Variants in IP6K1 observed in about 807,000 individuals in gnomAD.
IP6K1 encodes the protein inositol hexakisphosphate kinase 1.
Under a neutral mutation model 38.3 loss-of-function variants are expected in IP6K1, and 13 were observed. The observed-to-expected ratio is 0.34, with a 90% CI of 0.22 to 0.54. IP6K1 has a LOEUF of 0.54. Ranked by LOEUF, IP6K1 falls within the 20% of genes least tolerant of loss-of-function variation. The pLI, the probability that IP6K1 is intolerant of heterozygous loss-of-function variation, is 0.92. For synonymous variants in IP6K1, 212 were observed against 229.9 expected (o/e 0.92, Z 0.70); for missense variants, 397 against 599.8 (o/e 0.66, Z 3.53).
At chr3:49,734,638 G>A (rs1344305334) in intron 3 of IP6K1, among the ~76,000 whole-genome samples, 1 of 152,062 alleles carries the variant, frequency 6.6e-6, no homozygotes, top group East Asian at 1.9e-4. Flanking sequence ...GAAAGTAGAG[G>A]AGCCCACCAG....
intron 2 of IP6K1, among the ~76,000 whole-genome samples, chr3:49,740,790 T>C (rs1328792393): frequency 1.3e-5 from 2 of 152,230 alleles, no homozygotes; most frequent in Non-Finnish European, 2.9e-5. Context: ...TTTTAGCTAT[T>C]ATGAATGATG....
intron 1 of IP6K1, among the ~76,000 whole-genome samples, chr3:49,784,372 C>A (rs2081092860): frequency 1.3e-5 from 2 of 152,000 alleles, no homozygotes; most frequent in Admixed American, 1.3e-4. Flanking sequence ...CGTGACCAGG[C>A]ACAGTGGCTC....
chr3:49,767,743 T>G (rs1450455298), intron 1 of IP6K1, among the ~76,000 whole-genome samples: 1 of 152,092 alleles, frequency 6.6e-6, no homozygotes, highest in Non-Finnish European at 1.5e-5. Context: ...CCATCTCTAT[T>G]CTAAAAAACC....
intron 2 of IP6K1, among the ~76,000 whole-genome samples, chr3:49,741,979 T>C (rs1387235384): frequency 6.6e-6 from 1 of 152,104 alleles, no homozygotes; most frequent in African/African-American, 2.4e-5. Context: ...TTAAAGGCCA[T>C]AATATGAGAG....
chr3:49,764,183 A>G (rs916360536), intron 1 of IP6K1, among the ~76,000 whole-genome samples: 1 of 151,724 alleles, frequency 6.6e-6, no homozygotes, highest in African/African-American at 2.4e-5. Flanking sequence ...GGAGTTTGAG[A>G]CCAGCCTGGG....
At chr3:49,729,416 AT>A (rs60773944) in intron 4 of IP6K1, among the ~76,000 whole-genome samples, 3 of 147,342 alleles carry the variant, frequency 2.0e-5, no homozygotes, top group Admixed American at 6.7e-5. Flanking sequence ...TTTTTATTTT[AT>A]TTTTTTTTTG....
chr3:49,779,544 A>C (rs879075309), intron 1 of IP6K1, among the ~76,000 whole-genome samples: 1 of 152,188 alleles, frequency 6.6e-6, no homozygotes. Context: ...CTGTTTTCCC[A>C]AGTGGCCCAC....
chr3:49,763,429 A>T (rs1392876355), intron 1 of IP6K1, among the ~76,000 whole-genome samples: 2 of 152,060 alleles, frequency 1.3e-5, no homozygotes, highest in Non-Finnish European at 2.9e-5. Flanking sequence ...CTAATAACAA[A>T]ACCTAAAAAA....
At chr3:49,747,192 T>TA (rs1039595450) in intron 2 of IP6K1, among the ~76,000 whole-genome samples, 38 of 148,118 alleles carry the variant, frequency 2.6e-4, no homozygotes, top group South Asian at 1.7e-3. Context: ...AAGCAGAATG[T>TA]AAAAAAAAAA....
At chr3:49,756,753 T>A (rs1478593026) in intron 1 of IP6K1, among the ~76,000 whole-genome samples, 1 of 146,390 alleles carries the variant, frequency 6.8e-6, no homozygotes, top group African/African-American at 2.6e-5. Flanking sequence ...AGGCAGAGGT[T>A]TAGGTGAGCC....
At chr3:49,728,383 T>G in intron 4 of IP6K1, 105 bp from the exon 5 acceptor site, 1 of 1,027,946 alleles carries the variant, frequency 9.7e-7, no homozygotes, top group South Asian at 1.6e-5. Flanking sequence ...TAATGCAGTA[T>G]GTACTTGTCT....
chr3:49,750,326 C>G (rs1412550292), intron 1 of IP6K1, among the ~76,000 whole-genome samples: 1 of 152,128 alleles, frequency 6.6e-6, no homozygotes, highest in Non-Finnish European at 1.5e-5. Flanking sequence ...AATTTTCTAG[C>G]CTGAGTCATT....
At chr3:49,744,475 T>C (rs1352245165) in intron 2 of IP6K1, among the ~76,000 whole-genome samples, 1 of 151,784 alleles carries the variant, frequency 6.6e-6, no homozygotes, top group Admixed American at 6.6e-5. Context: ...TATCCATGTA[T>C]TTATCAGTAT....
In IP6K1 at chr3:49,776,901, C is replaced by T. The variant is rs1186452429; in HGVS notation, c.-129+9453G>A. Among the ~76,000 whole-genome samples, 4 of 152,268 alleles carry T rather than the reference C, an allele frequency of 2.6e-5. No homozygotes were observed. In the South Asian group the frequency reaches 8.3e-4, roughly 32 times the overall value. On this transcript the variant is annotated intron_variant, in intron 1 of 5. Transcript: ENST00000321599. The stretch of plus-strand genomic sequence containing the variant: ...GTCCAAGAAAGCAGGCTGGGGTTGA[C>T]TGGAAAGGGAAATAAGAGTACCTTC...
At chr3:49,783,487 C>T (rs565863138) in intron 1 of IP6K1, among the ~76,000 whole-genome samples, 2 of 151,740 alleles carry the variant, frequency 1.3e-5, no homozygotes, top group African/African-American at 2.4e-5. Flanking sequence ...CCGAGGTAGA[C>T]GGATCATGAG....
intron 1 of IP6K1, chr3:49,785,431 GGGAGGT>G (rs1475222115): frequency 1.3e-5 from 2 of 152,320 alleles, no homozygotes; most frequent in Non-Finnish European, 2.9e-5. Context: ...GCTTGAACCC[GGGAGGT>G]GGAGGCTGTG....
chr3:49,761,207 C>G (rs560605743), intron 1 of IP6K1, among the ~76,000 whole-genome samples: 1 of 151,492 alleles, frequency 6.6e-6, no homozygotes, highest in Non-Finnish European at 1.5e-5. Context: ...CCCAGCTACT[C>G]GGGAGGCCGA....
At chr3:49,754,701 G>C (rs1280016019) in intron 1 of IP6K1, among the ~76,000 whole-genome samples, 1 of 152,106 alleles carries the variant, frequency 6.6e-6, no homozygotes, top group South Asian at 2.1e-4. Context: ...ATCAGATATA[G>C]TGGCGAACAA....
At chr3:49,775,327 G>A (rs1238047980) in intron 1 of IP6K1, 2 of 292,070 alleles carry the variant, frequency 6.8e-6, no homozygotes, top group Non-Finnish European at 1.4e-5. Flanking sequence ...CTGCAAGCCA[G>A]CTGGTGTTGT....
Sources: allele counts gnomAD v4.1 joint callset (sites outside exome capture counted in the v4.1 genomes callset), GRCh38; gene constraint gnomAD v4.1.1; transcripts MANE v1.5; gene names NCBI Gene and HGNC (gene_info 2026-07-23, HGNC 2026-07-21).